The following PLCD3 variants were observed in gnomAD, a reference collection of about 807,000 sequenced individuals.
PLCD3 encodes the protein 1-phosphatidylinositol 4,5-bisphosphate phosphodiesterase delta-3.
In PLCD3, 62 loss-of-function variants were observed where a neutral mutation model predicts 82.8. That is an observed-to-expected ratio of 0.75 (90% CI 0.61 to 0.93). The LOEUF (loss-of-function observed/expected upper bound fraction) is 0.93, where lower values mean the gene tolerates loss of function less well. Ranked by LOEUF, PLCD3 falls within the 40% of genes least tolerant of loss-of-function variation. The probability of loss-of-function intolerance (pLI) is 0.00; values close to 1 mark genes in which losing one functional copy is unlikely to be tolerated. For missense variants in PLCD3, 1,023 were observed against 1,103.4 expected (o/e 0.93, Z 1.03); for synonymous variants, 478 against 471.8 (o/e 1.01, Z -0.17).
At chr17:45,123,960 C>G (rs1165266536) in intron 1 of PLCD3, among the ~76,000 whole-genome samples, 1 of 140,574 alleles carries the variant, frequency 7.1e-6, no homozygotes, top group East Asian at 2.0e-4. Context: ...CACCAGACCC[C>G]CCCCCCAACC....
chr17:45,116,025 C>T (rs1371612842), intron 8 of PLCD3, among the ~76,000 whole-genome samples: 11 of 152,288 alleles, frequency 7.2e-5, no homozygotes, highest in African/African-American at 2.6e-4. Context: ...GTGATTTTCA[C>T]AGTAATAACA....
chr17:45,124,968 G>C (rs778777417), intron 1 of PLCD3, among the ~76,000 whole-genome samples: 33 of 150,814 alleles, frequency 2.2e-4, no homozygotes, highest in Non-Finnish European at 3.7e-4. Context: ...AGGCAGGCGG[G>C]TCATTTGAGG....
intron 1 of PLCD3, among the ~76,000 whole-genome samples, chr17:45,129,981 C>T (rs1020200729): frequency 4.6e-5 from 7 of 152,166 alleles, no homozygotes; most frequent in African/African-American, 1.7e-4. Flanking sequence ...AGGGGCAGAG[C>T]GAGGCGGGGG....
At chr17:45,115,316 T>TCCCCCCCCCCCCCCCCCCCCCCCCCCCCC in intron 9 of PLCD3, 28 bp downstream of exon 9, 1 of 1,474,956 alleles carries the variant, frequency 6.8e-7, no homozygotes, top group South Asian at 1.2e-5. Flanking sequence ...TTCCCCCCCT[T>TCCCCCCCCCCCCCCCCCCCCCCCCCCCCC]CCCCACCCCA....
rs910073580 is a variant in PLCD3 at position 45,132,420 on chromosome 17, G to C, written c.-10C>G. On this transcript the variant is annotated 5_prime_UTR_variant, in exon 1 of 15. Transcript: ENST00000619929. This position sits in a 1 kb window ranked among gnomAD's most constrained non-coding sequence, Gnocchi z 4.6. ...AGCGGCCGCACAGCATGGCTTGGCG[G>C]GGGGCCGGGGCCGGGCCCGGGGTCT... 5.6e-5 allele frequency: 68 copies of C among 1,209,024 alleles called. No individual in the cohort carries two copies. In the East Asian group the frequency reaches 2.3e-3, roughly 40 times the overall value. 74.9% of individuals were successfully genotyped at this position (1,209,024 alleles called of 1,614,324 possible).
chr17:45,128,398 T>C (rs1258810564), intron 1 of PLCD3, among the ~76,000 whole-genome samples: 2 of 152,160 alleles, frequency 1.3e-5, no homozygotes, highest in Non-Finnish European at 1.5e-5. Context: ...TAGTCCCACC[T>C]GGCATGCCCC....
chr17:45,117,954 G>C (rs760571552), intron 7 of PLCD3, 40 bp downstream of exon 7: 2 of 1,608,316 alleles, frequency 1.2e-6, no homozygotes, highest in Non-Finnish European at 1.7e-6. Flanking sequence ...AGGTCATTGG[G>C]AAGGCTGTGG....
Position 45,112,887 on chromosome 17 carries a change from G to C in PLCD3, c.2257C>G (p.Leu753Val). 2 of 1,612,452 alleles carry C rather than the reference G, an allele frequency of 1.2e-6. No homozygotes were observed. ...SPNDFVGQFT[L>V]PLSSLKQGYR... ...CCTTGCTTTAGGCTGCTAAGAGGCA[G>C]TGTAAACTGGCCCACAAAGTCATTG... Residue 753 changes from leucine to valine, a missense_variant, in exon 14 of 15, where the codon CTG becomes GTG. Physicochemically the swap from Leu to Val is conservative, Grantham distance 32. This residue lies in a region of PLCD3 where 553 missense variants were observed against 655.7 expected (regional missense o/e 0.84). Coordinates refer to ENST00000619929, the MANE Select transcript of PLCD3 (RefSeq NM_133373.5).
In PLCD3 at chr17:45,120,400, G is replaced by A; in HGVS notation, c.609C>T (p.Ser203=). 1 of 1,614,048 alleles carries A rather than the reference G, an allele frequency of 6.2e-7. No homozygotes were observed. The highest frequency in any genetic ancestry group is 8.5e-7 in the Non-Finnish European group (1 of 1,179,884). The change falls in exon 4 of 15, where the codon AGC becomes AGT. Residue 203 remains serine (S), a synonymous_variant. Transcript: ENST00000619929. ...RADSNQDSKM[S]FKEIKSLLRM... ...TCAGCAGGCTCTTGATCTCCTTGAA[G>A]CTCATCTTGCTGTCCTGGTTGGAGT...
chr17:45,116,619 T>G lies in PLCD3; in HGVS notation c.1413+13A>C. ...ACCTCCCTCCACCCAGGCTAGGGGC[T>G]GGGGGGCGTCACCTCTGGGGATGGC... On this transcript the variant is annotated intron_variant, in intron 8 of 14. Coordinates refer to ENST00000619929, the MANE Select transcript of PLCD3 (RefSeq NM_133373.5). The G allele has an allele frequency of 6.4e-7, 1 of 1,562,882 alleles. No homozygotes were observed. The highest frequency in any genetic ancestry group is 8.7e-7 in the Non-Finnish European group (1 of 1,152,104).
intron 10 of PLCD3, 59 bp from the exon 11 acceptor site, chr17:45,114,425 C>A: frequency 7.2e-7 from 1 of 1,382,114 alleles, no homozygotes; most frequent in Non-Finnish European, 9.9e-7. Context: ...CCCAAAGCCC[C>A]GGCCTGTAAC....
At position 45,120,917 on chromosome 17, in the gene PLCD3, C is replaced by A; in HGVS notation, c.539G>T (p.Arg180Leu). Residue 180 changes from arginine (R) to leucine (L), a missense_variant, in exon 3 of 15, where the codon CGC becomes CTC. Physicochemically the swap from Arg to Leu is moderately radical, Grantham distance 102 (BLOSUM62 -2). Transcript: ENST00000619929. ...GGCAGGATATTGGTCTAGCCGCTCGCGCTGGCTCATGGCGTCCAGGCGCGC... is the reference window on the plus strand; with the variant it reads ...GGCAGGATATTGGTCTAGCCGCTCGAGCTGGCTCATGGCGTCCAGGCGCGC... ...LRARLDAMSQRERLDHWIHSY... is the reference protein window; with the variant it reads ...LRARLDAMSQLERLDHWIHSY... The A allele has an allele frequency of 6.9e-7, 1 of 1,443,936 alleles. No individual in the cohort carries two copies. The highest frequency in any genetic ancestry group is 9.0e-7 in the Non-Finnish European group (1 of 1,105,362). 89.4% of individuals were successfully genotyped at this position (1,443,936 alleles called of 1,614,324 possible). A position where few individuals can be genotyped will look rare whatever the true frequency, so the allele number is the denominator to read the frequency against.
chr17:45,118,057 A>T lies in PLCD3; in HGVS notation c.1197T>A (p.His399Gln). The T allele has an allele frequency of 6.3e-7, 1 of 1,599,892 alleles. No individual in the cohort carries two copies. Among genetic ancestry groups the T allele is most frequent in the Non-Finnish European group, 8.6e-7 (1 of 1,167,384 alleles). ...GGAAGAGAATCTTGGAGGTGAGGGTATGGCCATGATAGATGACGGGCTCCC... is the reference window on the plus strand; with the variant it reads ...GGAAGAGAATCTTGGAGGTGAGGGTTTGGCCATGATAGATGACGGGCTCCC... ...PGGEPVIYHG[H>Q]TLTSKILFRD... Residue 399 changes from histidine (H) to glutamine (Q), a missense_variant, in exon 7 of 15, where the codon CAT becomes CAA. By Grantham distance (24) the His-to-Gln change is conservative. Transcript: ENST00000619929. The surrounding 1 kb of genome is among the most constrained non-coding windows in gnomAD (Gnocchi z 4.1).
chr17:45,112,254 C>T lies in PLCD3; in HGVS notation c.*362G>A, dbSNP rs1324090636. 3.7e-6 allele frequency: 1 copy of T among 268,212 alleles called. No individual in the cohort carries two copies. Among genetic ancestry groups the T allele is most frequent in the South Asian group, 4.7e-5 (1 of 21,488 alleles). The allele number at this position is 268,212 out of a possible 1,614,324, so 16.6% of individuals were successfully genotyped here. ...GGGGGAAGGAGGCTGGGATGGCCCACGGGAGGACAGAGGGGAACTGAGGGC... is the reference window on the plus strand; with the variant it reads ...GGGGGAAGGAGGCTGGGATGGCCCATGGGAGGACAGAGGGGAACTGAGGGC... On this transcript the variant is annotated 3_prime_UTR_variant, in exon 15 of 15. Coordinates refer to ENST00000619929, the MANE Select transcript of PLCD3 (RefSeq NM_133373.5).
In PLCD3 at chr17:45,112,533, C is replaced by G. The variant is rs1237063757; in HGVS notation, c.*83G>C. 1.4e-6 allele frequency: 2 copies of G among 1,420,410 alleles called. No individual in the cohort carries two copies. Among genetic ancestry groups the G allele is most frequent in the Non-Finnish European group, 1.9e-6 (2 of 1,031,986 alleles). 88.0% of individuals were successfully genotyped at this position (1,420,410 alleles called of 1,614,324 possible). On this transcript the variant is annotated 3_prime_UTR_variant, in exon 15 of 15. Coordinates refer to ENST00000619929, the MANE Select transcript of PLCD3 (RefSeq NM_133373.5). ...GTGGGCTGGGGGGCTGGTACTCCCA[C>G]CACCTGACTCCAGAGGAGGAGAGGG... is the stretch of plus-strand genomic sequence containing the variant.
chr17:45,113,502 C>T lies in PLCD3; in HGVS notation c.1932G>A (p.Arg644=), dbSNP rs945397896. The part of the protein sequence containing the change: ...CGYVLKPACL[R]QPDSTFDPEY... ...CGGGGTCAAAGGTCGAGTCAGGTTG[C>T]CGCAGGCAGGCAGGTTTTAGGACGT... is the stretch of plus-strand genomic sequence containing the variant. Residue 644 remains arginine, a synonymous_variant, in exon 12 of 15, where the codon CGG becomes CGA. Transcript: ENST00000619929. 2 of 1,588,720 alleles carry T rather than the reference C, an allele frequency of 1.3e-6. No homozygotes were observed. Among genetic ancestry groups the T allele is most frequent in the Admixed American group, 1.8e-5 (1 of 55,950 alleles).
At chr17:45,128,989 C>T (rs2143595608) in intron 1 of PLCD3, among the ~76,000 whole-genome samples, 1 of 152,344 alleles carries the variant, frequency 6.6e-6, no homozygotes, top group South Asian at 2.1e-4. Context: ...CAAATTTTCT[C>T]TCAGCTACTT....
At chr17:45,117,318 C>G (rs907000983) in intron 7 of PLCD3, among the ~76,000 whole-genome samples, 20 of 152,300 alleles carry the variant, frequency 1.3e-4, no homozygotes, top group African/African-American at 4.8e-4. Flanking sequence ...CACAGTCAGT[C>G]TCCCTGTGTT....
rs1443883783 is a variant in PLCD3, at chr17:45,121,146, G to A, written c.326-16C>T. The stretch of plus-strand genomic sequence containing the variant: ...TGCACGAAGACTGAGAGGAGGGCCG[G>A]GTCAGGGCGGAGGACCGGGCCTGTC... On this transcript the variant is annotated splice_polypyrimidine_tract_variant and intron_variant, in intron 2 of 14. Transcript: ENST00000619929. The A allele has an allele frequency of 6.6e-7, 1 of 1,519,140 alleles. No homozygotes were observed. The highest frequency in any genetic ancestry group is 8.8e-7 in the Non-Finnish European group (1 of 1,139,462). The allele number at this position is 1,519,140 out of a possible 1,614,324, so 94.1% of individuals were successfully genotyped here. A position where few individuals can be genotyped will look rare whatever the true frequency, so the allele number is the denominator to read the frequency against.
Sources: allele counts gnomAD v4.1 joint callset (sites outside exome capture counted in the v4.1 genomes callset), GRCh38; gene constraint gnomAD v4.1.1; regional missense constraint gnomAD v4.1.1; non-coding constraint Gnocchi (gnomAD v3.1); transcripts MANE v1.5; gene names NCBI Gene and HGNC (gene_info 2026-07-23, HGNC 2026-07-21).